Variants in MYLK4 observed in about 807,000 individuals in gnomAD.
MYLK4 encodes caMLCK like.
Under a neutral mutation model 48.1 loss-of-function variants are expected in MYLK4, and 46 were observed. That is an observed-to-expected ratio of 0.96 (90% CI 0.75 to 1.22). The LOEUF (loss-of-function observed/expected upper bound fraction) is 1.22, where lower values mean the gene tolerates loss of function less well. Ranked by LOEUF, MYLK4 falls within the 50% of genes most tolerant of loss-of-function variation. MYLK4 has a pLI of 0.00. For synonymous variants in MYLK4, 170 were observed against 180.8 expected, an observed-to-expected ratio of 0.94 and a Z score of 0.48; for missense variants, 451 against 486.1, an observed-to-expected ratio of 0.93 and a Z score of 0.68.
In MYLK4 at chr6:2,685,375, T is replaced by G; in HGVS notation, c.466A>C (p.Asn156His). 1 of 1,609,918 alleles carries G rather than the reference T, an allele frequency of 6.2e-7. No homozygotes were observed. The highest frequency in any genetic ancestry group is 8.5e-7 in the Non-Finnish European group (1 of 1,177,690). The stretch of plus-strand genomic sequence containing the variant: ...ATGAGGTTCGCGTGGTCCAGCTGGT[T>G]CATGACGCTGATCTCGTTCTTCACC... ...EEVKNEISVM[N>H]QLDHANLIQL... The change falls in exon 6 of 13, where the codon AAC (asparagine) becomes CAC (histidine). Residue 156 changes from asparagine to histidine, a missense_variant. Coordinates refer to ENST00000274643, the MANE Select transcript of MYLK4 (RefSeq NM_001012418.5). The surrounding 1 kb of genome is among the most constrained non-coding windows in gnomAD (Gnocchi z 4.5).
At chr6:2,720,201 G>A (rs1763020389) in intron 2 of MYLK4, among the ~76,000 whole-genome samples, 1 of 151,916 alleles carries the variant, frequency 6.6e-6, no homozygotes, top group African/African-American at 2.4e-5. Flanking sequence ...TCAGGAGATC[G>A]AGACCATCCT....
At chr6:2,738,126 G>T (rs537689227) in intron 2 of MYLK4, among the ~76,000 whole-genome samples, 13 of 152,122 alleles carry the variant, frequency 8.5e-5, no homozygotes, top group Non-Finnish European at 1.8e-4. Context: ...TGCACAGTAA[G>T]AATGTGTCAC....
intron 7 of MYLK4, among the ~76,000 whole-genome samples, chr6:2,682,393 G>C (rs1761343782): frequency 6.6e-6 from 1 of 151,988 alleles, no homozygotes; most frequent in Non-Finnish European, 1.5e-5. Flanking sequence ...GGTAAAGAGG[G>C]AAGGGGCAAT....
chr6:2,754,942 T>C (rs764046958), upstream of MYLK4, among the ~76,000 whole-genome samples: 9 of 152,202 alleles, frequency 5.9e-5, no homozygotes. Flanking sequence ...AAATTAATAG[T>C]AATTTTAAAA....
chr6:2,720,635 G>A (rs1465982276), intron 2 of MYLK4, among the ~76,000 whole-genome samples: 1 of 151,986 alleles, frequency 6.6e-6, no homozygotes, highest in Non-Finnish European at 1.5e-5. Context: ...CACAAGAATA[G>A]GATTCGTGTA....
At chr6:2,717,978 C>T (rs200691286) in intron 2 of MYLK4, among the ~76,000 whole-genome samples, 4 of 152,012 alleles carry the variant, frequency 2.6e-5, no homozygotes, top group East Asian at 1.9e-4. Context: ...GTTGGGAGTT[C>T]GAGATCAGCC....
intron 2 of MYLK4, among the ~76,000 whole-genome samples, chr6:2,744,759 T>C (rs1764017515): frequency 6.6e-6 from 1 of 152,210 alleles, no homozygotes; most frequent in South Asian, 2.1e-4. Flanking sequence ...TGCTTGTTTC[T>C]ACCCCCACAG....
rs747931547 is a variant in MYLK4, at chr6:2,692,826, C to T, written c.193G>A (p.Glu65Lys). The T allele has an allele frequency of 1.2e-6, 2 of 1,613,752 alleles. No individual in the cohort carries two copies. Among genetic ancestry groups the T allele is most frequent in the South Asian group, 1.1e-5 (1 of 90,918 alleles). The change falls in exon 3 of 13, where the codon GAA (glutamate) becomes AAA (lysine). Residue 65 changes from glutamate (E) to lysine (K), a missense_variant. Transcript: ENST00000274643. ...KEVWSNADLT[E>K]RMPVKSKRTS... ...CTTTTGCTTTTGACGGGCATCCTTT[C>T]CGTCAGGTCGGCGTTTGACCACACC...
chr6:2,766,414 T>TGG, the MYLK4 span: 1 of 1,597,004 alleles, frequency 6.3e-7, no homozygotes, highest in Non-Finnish European at 8.5e-7. Context: ...TCCCCTCGCT[T>TGG]ATCCTGTGGG....
the MYLK4 span, among the ~76,000 whole-genome samples, chr6:2,756,750 A>C: frequency 6.6e-6 from 1 of 152,256 alleles, no homozygotes; most frequent in East Asian, 1.9e-4. Context: ...ACAAGGTAAA[A>C]TTCATACTAC....
At chr6:2,668,115 T>C (rs1020245730) in intron 12 of MYLK4, among the ~76,000 whole-genome samples, 2 of 152,042 alleles carry the variant, frequency 1.3e-5, no homozygotes, top group Non-Finnish European at 2.9e-5. Context: ...CATTTTTTTT[T>C]TCTTTCCAAC....
At chr6:2,696,393 G>C (rs879542429) in intron 2 of MYLK4, among the ~76,000 whole-genome samples, 7 of 152,228 alleles carry the variant, frequency 4.6e-5, no homozygotes, top group Admixed American at 1.3e-4. Flanking sequence ...TCATGGTGAT[G>C]CTATTAAAAG....
upstream of MYLK4, among the ~76,000 whole-genome samples, chr6:2,755,055 T>G (rs1028156086): frequency 1.3e-5 from 2 of 152,196 alleles, no homozygotes; most frequent in Non-Finnish European, 2.9e-5. Context: ...AATTTTGATA[T>G]TAGACCACTA....
intron 10 of MYLK4, 61 bp from the exon 11 acceptor site, chr6:2,675,186 T>C (rs1761040384): frequency 8.1e-7 from 1 of 1,239,426 alleles, no homozygotes. Flanking sequence ...GTATCTGCTG[T>C]TCAATCTCAA....
chr6:2,743,772 A>G (rs1763975527), intron 2 of MYLK4: 1 of 395,960 alleles, frequency 2.5e-6, no homozygotes, highest in Non-Finnish European at 4.4e-6. Context: ...ACTGCCCCTA[A>G]GACCAGGGCC....
chr6:2,748,061 C>A (rs773165231), intron 2 of MYLK4, among the ~76,000 whole-genome samples: 4 of 152,174 alleles, frequency 2.6e-5, no homozygotes, highest in Admixed American at 1.3e-4. Context: ...ATTTCATTGT[C>A]TATTGCATTG....
intron 2 of MYLK4, among the ~76,000 whole-genome samples, chr6:2,695,690 A>G (rs1430895117): frequency 6.6e-6 from 1 of 152,208 alleles, no homozygotes; most frequent in Non-Finnish European, 1.5e-5. Flanking sequence ...TTTCCAACAA[A>G]CAGAAGTTGT....
chr6:2,759,101 G>T, the MYLK4 span, among the ~76,000 whole-genome samples: 2 of 152,116 alleles, frequency 1.3e-5, no homozygotes, highest in Admixed American at 6.6e-5. Context: ...TCTTACTAAA[G>T]AGTTGAAGGG....
At chr6:2,740,142 C>T (rs188975250) in intron 2 of MYLK4, among the ~76,000 whole-genome samples, 1 of 152,340 alleles carries the variant, frequency 6.6e-6, no homozygotes, top group African/African-American at 2.4e-5. Flanking sequence ...TTGGGCAGGT[C>T]AGTGAGCCTT....
Sources: allele counts gnomAD v4.1 joint callset (sites outside exome capture counted in the v4.1 genomes callset), GRCh38; gene constraint gnomAD v4.1.1; non-coding constraint Gnocchi (gnomAD v3.1); transcripts MANE v1.5; gene names NCBI Gene and HGNC (gene_info 2026-07-23, HGNC 2026-07-21).